The following MARS1 variants were observed in gnomAD, a reference collection of about 807,000 sequenced individuals.
MARS1 encodes the protein methionine--tRNA ligase, cytoplasmic.
Under a neutral mutation model 119.5 loss-of-function variants are expected in MARS1, and 80 were observed. The ratio of observed to expected loss-of-function variants is 0.67; its 90% CI spans 0.56 to 0.81. MARS1 has a LOEUF of 0.81. Ranked by LOEUF, MARS1 falls within the 30% of genes least tolerant of loss-of-function variation. The pLI is 0.00. For missense variants in MARS1, 945 were observed against 1,116.5 expected, an observed-to-expected ratio of 0.85 and a Z score of 2.19; for synonymous variants, 418 against 433.4, an observed-to-expected ratio of 0.96 and a Z score of 0.44.
intron 11 of MARS1, among the ~76,000 whole-genome samples, chr12:57,511,223 C>T (rs1431068887): frequency 6.6e-6 from 1 of 152,092 alleles, no homozygotes; most frequent in Admixed American, 6.5e-5. Context: ...TCAAGTGATC[C>T]TCCTGCGTCA....
intron 11 of MARS1, among the ~76,000 whole-genome samples, chr12:57,511,064 C>T (rs1210580951): frequency 6.6e-6 from 1 of 151,650 alleles, no homozygotes; most frequent in African/African-American, 2.4e-5. Flanking sequence ...CAGTGAGACC[C>T]TGATATGGAC....
At chr12:57,497,099 C>G (rs1207549976) in intron 7 of MARS1, among the ~76,000 whole-genome samples, 1 of 152,090 alleles carries the variant, frequency 6.6e-6, no homozygotes, top group Non-Finnish European at 1.5e-5. Context: ...AGGAGCACTA[C>G]TCAATATGGT....
At chr12:57,493,561 A>AAT (rs1565640462) in intron 7 of MARS1, among the ~76,000 whole-genome samples, 1 of 1,878 alleles carries the variant, frequency 5.3e-4, no homozygotes, top group African/African-American at 8.8e-4. Flanking sequence ...TATAATATAT[A>AAT]ATATATTATA....
intron 7 of MARS1, among the ~76,000 whole-genome samples, chr12:57,497,653 G>A (rs980792386): frequency 6.6e-6 from 1 of 152,130 alleles, no homozygotes; most frequent in Non-Finnish European, 1.5e-5. Context: ...GGAAGTGACA[G>A]ACATGGGTTA....
intron 7 of MARS1, among the ~76,000 whole-genome samples, chr12:57,497,144 CTG>C (rs1235264967): frequency 3.3e-5 from 5 of 152,076 alleles, no homozygotes; most frequent in South Asian, 2.1e-4. Context: ...ACAAAAAAGA[CTG>C]TGTGGGAAGA....
intron 7 of MARS1, among the ~76,000 whole-genome samples, chr12:57,492,673 A>T (rs1441901982): frequency 1.8e-3 from 119 of 65,766 alleles, no homozygotes; most frequent in African/African-American, 0.012. Flanking sequence ...TCCATTTCAC[A>T]CACACACACA....
At chr12:57,503,028 AAACAACAACAAC>A (rs199629182) in intron 10 of MARS1, among the ~76,000 whole-genome samples, 1 of 151,720 alleles carries the variant, frequency 6.6e-6, no homozygotes, top group African/African-American at 2.4e-5. Context: ...TTCGTCTCAA[AAACAACAACAAC>A]AACAACAACA....
chr12:57,507,403 G>C (rs1248022379), intron 11 of MARS1, among the ~76,000 whole-genome samples: 1 of 77,628 alleles, frequency 1.3e-5, no homozygotes, highest in Non-Finnish European at 3.0e-5. Context: ...AGGCAGAGGG[G>C]CTCCTCACTT....
At chr12:57,509,342 C>T (rs1877398638) in intron 11 of MARS1, among the ~76,000 whole-genome samples, 1 of 152,174 alleles carries the variant, frequency 6.6e-6, no homozygotes, top group Admixed American at 6.5e-5. Context: ...GGTAGATGTG[C>T]TCATTGCTAC....
In MARS1 at chr12:57,512,049, CA is replaced by C; in HGVS notation, c.1582del (p.Ile528SerfsTer35). The C allele has an allele frequency of 6.2e-7, 1 of 1,614,162 alleles. No homozygotes were observed. Among genetic ancestry groups the C allele is most frequent in the South Asian group, 1.1e-5 (1 of 91,092 alleles). ...WFDATIGYLSITANYTDQWER... is the reference protein window; with the variant it reads ...WFDATIGYLSXTANYTDQWER... ...TTGATGCCACTATTGGCTATCTGTCCATCACAGCCAACTACACAGACCAGTG... is the reference window on the plus strand; with the variant it reads ...TTGATGCCACTATTGGCTATCTGTCCTCACAGCCAACTACACAGACCAGTG... On this transcript the variant is annotated frameshift_variant, in exon 13 of 21. Transcript: ENST00000262027. LOFTEE classifies it high-confidence loss of function.
At chr12:57,516,043 T>A in intron 19 of MARS1, 52 bp downstream of exon 19, 1 of 1,553,310 alleles carries the variant, frequency 6.4e-7, no homozygotes, top group Non-Finnish European at 8.9e-7. Flanking sequence ...CAGCATCACT[T>A]CCCTAATTTC....
chr12:57,490,614 T>C lies in MARS1; in HGVS notation c.740T>C (p.Leu247Ser), dbSNP rs763613524. ...GCTTGGGAGAAGGGCCTAGAAAGTTTGCCCCCGCTGCGGCCCCAGCAGAAT... is the reference window on the plus strand; with the variant it reads ...GCTTGGGAGAAGGGCCTAGAAAGTTCGCCCCCGCTGCGGCCCCAGCAGAAT... ...VTAWEKGLES[L>S]PPLRPQQNPV... is the part of the protein sequence containing the mutation. Residue 247 changes from leucine to serine, a missense_variant, in exon 7 of 21, where the codon TTG (leucine) becomes TCG (serine). By Grantham distance (145) the Leu-to-Ser change is moderately radical. Coordinates refer to ENST00000262027, the MANE Select transcript of MARS1 (RefSeq NM_004990.4). 5.2e-5 allele frequency: 84 copies of C among 1,613,902 alleles called. No individual in the cohort carries two copies. Among genetic ancestry groups the C allele is most frequent in the Non-Finnish European group, 5.6e-5 (66 of 1,180,012 alleles).
chr12:57,498,707 C>G, intron 9 of MARS1, 84 bp downstream of exon 9: 1 of 1,344,598 alleles, frequency 7.4e-7, no homozygotes, highest in Non-Finnish European at 1.1e-6. Flanking sequence ...AGAAGGAACC[C>G]GGGTGGCTGT....
At chr12:57,494,563 T>G (rs1316497323) in intron 7 of MARS1, among the ~76,000 whole-genome samples, 1 of 150,258 alleles carries the variant, frequency 6.7e-6, no homozygotes, top group South Asian at 2.1e-4. Context: ...AGAGGGGGAT[T>G]TGGCAGGGTC....
chr12:57,516,258 C>G lies in MARS1; in HGVS notation c.2477C>G (p.Pro826Arg), dbSNP rs138343927. 5.0e-6 allele frequency: 8 copies of G among 1,614,092 alleles called. No homozygotes were observed. Among genetic ancestry groups the G allele is most frequent in the Non-Finnish European group, 5.9e-6 (7 of 1,180,020 alleles). Residue 826 changes from proline to arginine, a missense_variant, in exon 20 of 21, where the codon CCG becomes CGG. Coordinates refer to ENST00000262027, the MANE Select transcript of MARS1 (RefSeq NM_004990.4). ...GTTGTTCTCCAGGCAAAAACGTCCC[C>G]GAAGCCAGCAGTTGTAGAGACTGTT... Reference protein sequence around the residue: ...RFGGGQAKTSPKPAVVETVTT... With the variant: ...RFGGGQAKTSRKPAVVETVTT...
intron 7 of MARS1, 61 bp downstream of exon 7, chr12:57,490,705 C>A: frequency 1.4e-6 from 2 of 1,390,322 alleles, no homozygotes; most frequent in Non-Finnish European, 2.0e-6. Flanking sequence ...GTTGATAGAG[C>A]CAGAACCTGC....
intron 5 of MARS1, 57 bp from the exon 6 acceptor site, chr12:57,490,150 C>G (rs115402894): frequency 6.4e-7 from 1 of 1,560,396 alleles, no homozygotes; most frequent in African/African-American, 1.4e-5. Flanking sequence ...GAAAGATGCC[C>G]GCTCCTGCCT....
chr12:57,515,228 C>T lies in MARS1; in HGVS notation c.2283C>T (p.Pro761=), dbSNP rs776729936. The part of the protein sequence containing the change: ...LLSVMLQPYM[P]TVSATIQAQL... Reference sequence around the variant, plus strand: ...CTGTCATGCTTCAGCCTTACATGCCCACGGTTAGTGCCACAATCCAGGCCC... The same window carrying T: ...CTGTCATGCTTCAGCCTTACATGCCTACGGTTAGTGCCACAATCCAGGCCC... Residue 761 remains proline (P), a synonymous_variant, in exon 18 of 21, where the codon CCC becomes CCT. Coordinates refer to ENST00000262027, the MANE Select transcript of MARS1 (RefSeq NM_004990.4). The T allele has an allele frequency of 2.5e-6, 4 of 1,614,176 alleles. No individual in the cohort carries two copies. In the South Asian group the frequency reaches 3.3e-5, roughly 13 times the overall value.
intron 14 of MARS1, 44 bp downstream of exon 14, chr12:57,512,397 G>A: frequency 7.4e-7 from 1 of 1,355,958 alleles, no homozygotes; most frequent in Non-Finnish European, 1.1e-6. Context: ...CATAGGAAAT[G>A]AGGGGTGAGG....
Sources: gnomAD v4.1 joint callset for allele counts (sites outside exome capture counted in the v4.1 genomes callset) on GRCh38, gnomAD v4.1.1 for gene constraint, MANE v1.5 for transcripts, NCBI Gene and HGNC (gene_info 2026-07-23, HGNC 2026-07-21) for gene names.